The following FABP12 variants were observed in gnomAD, a reference collection of about 807,000 sequenced individuals.
The protein encoded by FABP12 is fatty acid binding protein 12.
Under a neutral mutation model 13.7 loss-of-function variants are expected in FABP12, and 19 were observed. The observed-to-expected ratio is 1.39, with a 90% CI of 0.97 to 2.04. The LOEUF (loss-of-function observed/expected upper bound fraction) is 2.04, where lower values mean the gene tolerates loss of function less well. FABP12 is among the 30% of genes most tolerant of loss of function. The probability of loss-of-function intolerance (pLI) is 0.00; values close to 1 mark genes in which losing one functional copy is unlikely to be tolerated. For missense variants in FABP12, 182 were observed against 164.2 expected (o/e 1.11, Z -0.59); for synonymous variants, 61 against 57.0 (o/e 1.07, Z -0.32).
chr8:81,539,430 G>A (rs1229744048), intron 2 of FABP12, among the ~76,000 whole-genome samples: 1 of 51,326 alleles, frequency 1.9e-5, no homozygotes, highest in African/African-American at 7.6e-5. Context: ...TACTTCTTTA[G>A]TTCTTTTTTT....
rs535597103 is a variant in FABP12, at chr8:81,577,716, C to T, written c.-185+12337G>A. Among the ~76,000 whole-genome samples the T allele has an allele frequency of 3.9e-5, 6 of 152,240 alleles. No individual in the cohort carries two copies. In the South Asian group the frequency reaches 1.2e-3, roughly 32 times the overall value. ...GTGGAGGTTGCAGTGAGCCGAGATTCCGCCATGCACTCTAGCCTGGGCGAC... is the reference window on the plus strand; with the variant it reads ...GTGGAGGTTGCAGTGAGCCGAGATTTCGCCATGCACTCTAGCCTGGGCGAC... On this transcript the variant is annotated intron_variant, in intron 1 of 5. Coordinates refer to the FABP12 transcript ENST00000692030.
intron 1 of FABP12, among the ~76,000 whole-genome samples, chr8:81,573,346 C>T (rs1198613833): frequency 6.6e-6 from 1 of 152,120 alleles, no homozygotes; most frequent in East Asian, 1.9e-4. Flanking sequence ...GTTTTGGTGA[C>T]CATGGCCTTA....
At chr8:81,560,602 C>T (rs1456686265) in intron 1 of FABP12, among the ~76,000 whole-genome samples, 1 of 152,172 alleles carries the variant, frequency 6.6e-6, no homozygotes, top group African/African-American at 2.4e-5. Flanking sequence ...AAGTCTAGAC[C>T]ATACATGCAA....
At chr8:81,527,386 G>A (rs979150631) in intron 3 of FABP12, among the ~76,000 whole-genome samples, 2 of 151,812 alleles carry the variant, frequency 1.3e-5, no homozygotes, top group African/African-American at 4.8e-5. Flanking sequence ...TTTTGAGACA[G>A]AGTTTTGCTC....
chr8:81,558,887 CAAAAAA>C (rs35682824), intron 1 of FABP12, among the ~76,000 whole-genome samples: 2 of 67,560 alleles, frequency 3.0e-5, no homozygotes, highest in Non-Finnish European at 5.9e-5. Context: ...AAGGCTCCAT[CAAAAAA>C]AAAAAAAAAA....
At chr8:81,552,127 T>C (rs561806292) in intron 1 of FABP12, among the ~76,000 whole-genome samples, 1 of 152,172 alleles carries the variant, frequency 6.6e-6, no homozygotes, top group Non-Finnish European at 1.5e-5. Context: ...AGCTCACCAA[T>C]CTATGGGGTA....
rs562899493 is a variant in FABP12 at position 81,530,913 on chromosome 8, C to T, written c.73+330G>A. Reference sequence around the variant, plus strand: ...GCTGAAAAACAAAATCTACTCTGAACTTTATTCTGAAGATCCCCTAAAGCT... The same window carrying T: ...GCTGAAAAACAAAATCTACTCTGAATTTTATTCTGAAGATCCCCTAAAGCT... On this transcript the variant is annotated intron_variant, in intron 2 of 4. Coordinates refer to ENST00000360464, the Ensembl canonical transcript of FABP12. Among the ~76,000 whole-genome samples the T allele has an allele frequency of 9.9e-5, 15 of 152,256 alleles. No homozygotes were observed. In the Middle Eastern group the frequency reaches 0.017, roughly 173 times the overall value.
intron 1 of FABP12, among the ~76,000 whole-genome samples, chr8:81,548,279 G>C (rs1448152514): frequency 6.6e-6 from 1 of 152,144 alleles, no homozygotes; most frequent in Non-Finnish European, 1.5e-5. Flanking sequence ...TCATGTATTA[G>C]ATTATGCTGT....
intron 4 of FABP12, chr8:81,526,162 C>T (rs1305423233): frequency 2.6e-5 from 4 of 152,204 alleles, no homozygotes; most frequent in Non-Finnish European, 5.9e-5. Flanking sequence ...AAAAAAATCA[C>T]TGTATTAAGA....
At chr8:81,538,547 G>T (rs1451230529), upstream of FABP12, among the ~76,000 whole-genome samples, 1 of 152,120 alleles carries the variant, frequency 6.6e-6, no homozygotes, top group Non-Finnish European at 1.5e-5. Flanking sequence ...AAAAGAAAAG[G>T]TCACATGAAG....
upstream of FABP12, among the ~76,000 whole-genome samples, chr8:81,535,962 T>C (rs924548764): frequency 4.6e-5 from 7 of 152,212 alleles, no homozygotes; most frequent in African/African-American, 1.4e-4. Context: ...CTATTTTGCC[T>C]CTATGGATTC....
intron 1 of FABP12, among the ~76,000 whole-genome samples, chr8:81,578,197 T>A (rs986395099): frequency 2.0e-5 from 3 of 152,244 alleles, no homozygotes; most frequent in Non-Finnish European, 4.4e-5. Context: ...ACCATGGAGC[T>A]AATGTTTTAT....
chr8:81,570,663 T>C (rs1335161298), intron 1 of FABP12, among the ~76,000 whole-genome samples: 1 of 152,034 alleles, frequency 6.6e-6, no homozygotes, highest in Non-Finnish European at 1.5e-5. Flanking sequence ...GTGGCTCCTT[T>C]CTGCAGGCAG....
At chr8:81,528,076 T>TG (rs771188233) in intron 3 of FABP12, among the ~76,000 whole-genome samples, 18 of 152,232 alleles carry the variant, frequency 1.2e-4, no homozygotes, top group Admixed American at 3.9e-4. Flanking sequence ...TCCAGTTTTT[T>TG]TTGTTGTTGT....
chr8:81,582,412 C>A (rs1384054177), intron 1 of FABP12, among the ~76,000 whole-genome samples: 1 of 152,052 alleles, frequency 6.6e-6, no homozygotes, highest in African/African-American at 2.4e-5. Flanking sequence ...TGAGCCACTG[C>A]ACCCAGCCCT....
chr8:81,550,765 A>C (rs117740726), intron 1 of FABP12, among the ~76,000 whole-genome samples: 355 of 152,294 alleles, frequency 2.3e-3, no homozygotes, highest in Non-Finnish European at 3.9e-3. Flanking sequence ...TACCAAACCT[A>C]GGTACCTTTA....
At chr8:81,531,164 T>C (rs1351252097) in intron 2 of FABP12, 79 bp downstream of exon 2, 5 of 919,100 alleles carry the variant, frequency 5.4e-6, no homozygotes, top group Non-Finnish European at 8.5e-6. Flanking sequence ...AAGATTAATA[T>C]TATTTTATAC....
intron 1 of FABP12, among the ~76,000 whole-genome samples, chr8:81,556,859 T>C (rs1179084563): frequency 6.7e-6 from 1 of 148,894 alleles, no homozygotes; most frequent in Non-Finnish European, 1.5e-5. Context: ...TAAATGATTT[T>C]ATGGAAGGGA....
At chr8:81,543,441 C>G (rs1175792697) in intron 1 of FABP12, among the ~76,000 whole-genome samples, 2 of 152,130 alleles carry the variant, frequency 1.3e-5, no homozygotes. Context: ...CGCCTGGGCT[C>G]TGGTTCAAGT....
Sources: allele counts gnomAD v4.1 joint callset (sites outside exome capture counted in the v4.1 genomes callset), GRCh38; gene constraint gnomAD v4.1.1; transcripts MANE v1.5; gene names NCBI Gene and HGNC (gene_info 2026-07-23, HGNC 2026-07-21).